Variants in ZGRF1 observed in about 807,000 individuals in gnomAD.
ZGRF1 encodes the protein zinc finger GRF-type containing 1.
A neutral mutation model predicts 203.5 loss-of-function variants in ZGRF1; 196 were observed. The ratio of observed to expected loss-of-function variants is 0.96; its 90% CI spans 0.86 to 1.08. The LOEUF is 1.08. Ranked by LOEUF, ZGRF1 falls within the 50% of genes least tolerant of loss-of-function variation. The probability of loss-of-function intolerance (pLI) is 0.00; values close to 1 mark genes in which losing one functional copy is unlikely to be tolerated. For synonymous variants in ZGRF1, 809 were observed against 841.3 expected, an observed-to-expected ratio of 0.96 and a Z score of 0.66; for missense variants, 2,326 against 2,416.3, an observed-to-expected ratio of 0.96 and a Z score of 0.78.
chr4:112,548,368 C>G lies in ZGRF1; in HGVS notation c.5359G>C (p.Gly1787Arg), dbSNP rs144546533. The part of the protein sequence containing the change: ...RTLLKQVRVV[G>R]VTCAACPFPC... ...AATGGGCAGGCTGCACAGGTAACTC[C>G]AACTACTCGAACCTTTATTACAACA... Residue 1787 changes from glycine (G) to arginine (R), a missense_variant, in exon 23 of 28, where the codon GGA becomes CGA. Transcript: ENST00000505019. 1.5e-5 allele frequency: 24 copies of G among 1,552,698 alleles called. No homozygotes were observed. In the African/African-American group the frequency reaches 3.1e-4, roughly 20 times the overall value.
intron 24 of ZGRF1, among the ~76,000 whole-genome samples, chr4:112,545,896 C>T (rs1349643452): frequency 1.3e-5 from 2 of 151,890 alleles, no homozygotes; most frequent in Non-Finnish European, 2.9e-5. Context: ...AAATGAGGCA[C>T]CTAGAATAGG....
Position 112,584,240 on chromosome 4 carries a change from T to G in ZGRF1, c.4102-66A>C, listed in dbSNP as rs981823677. The G allele has an allele frequency of 2.0e-5, 24 of 1,174,078 alleles. No homozygotes were observed. The African/African-American group carries it at 3.4e-4, about 17-fold the overall frequency. 72.7% of individuals were successfully genotyped at this position (1,174,078 alleles called of 1,614,324 possible). On this transcript the variant is annotated intron_variant, in intron 14 of 27. Coordinates refer to ENST00000505019, the MANE Select transcript of ZGRF1 (RefSeq NM_018392.5). ...TGCTTTTATTTTTCGATTATTTTTGTGTTTGTCAAGGCTTCTATGAAGACT... is the reference window on the plus strand; with the variant it reads ...TGCTTTTATTTTTCGATTATTTTTGGGTTTGTCAAGGCTTCTATGAAGACT...
At position 112,560,777 on chromosome 4, in the gene ZGRF1, A is replaced by G. The variant is rs1741810048; in HGVS notation, c.4916T>C (p.Val1639Ala). ...MMASHESIEE[V>A]KELQTHTFPI... ...GAAGGTATGAGTTTGCAGTTCCTTCACTTCTTCAATGCTTTCATGTGATGC... is the reference window on the plus strand; with the variant it reads ...GAAGGTATGAGTTTGCAGTTCCTTCGCTTCTTCAATGCTTTCATGTGATGC... The change falls in exon 19 of 28, where the codon GTG (valine) becomes GCG (alanine). Residue 1639 changes from valine to alanine, a missense_variant. Transcript: ENST00000505019. 1.2e-6 allele frequency: 2 copies of G among 1,601,306 alleles called. No homozygotes were observed. Among genetic ancestry groups the G allele is most frequent in the African/African-American group, 2.7e-5 (2 of 74,718 alleles).
At chr4:112,583,884 C>T in intron 15 of ZGRF1, 94 bp downstream of exon 15, 3 of 762,588 alleles carry the variant, frequency 3.9e-6, no homozygotes, top group South Asian at 2.8e-5. Context: ...AATAGTTTTC[C>T]TATCTTAATC....
chr4:112,546,075 A>ATAATAATAATAC (rs1252106939), intron 24 of ZGRF1, among the ~76,000 whole-genome samples: 1 of 150,118 alleles, frequency 6.7e-6, no homozygotes, highest in Non-Finnish European at 1.5e-5. Context: ...CTTTAAAGTA[A>ATAATAATAATAC]TAATAATAAT....
chr4:112,577,953 C>T (rs1330391148), intron 16 of ZGRF1, among the ~76,000 whole-genome samples: 1 of 122,774 alleles, frequency 8.1e-6, no homozygotes, highest in Non-Finnish European at 1.8e-5. Flanking sequence ...ACACAACTCT[C>T]CACCCCAAAT....
chr4:112,576,055 G>A (rs989933147), intron 16 of ZGRF1, among the ~76,000 whole-genome samples: 4 of 152,180 alleles, frequency 2.6e-5, no homozygotes, highest in African/African-American at 7.2e-5. Flanking sequence ...CAACTCACAC[G>A]GCTGGGTACT....
Position 112,617,555 on chromosome 4 carries a change from T to C in ZGRF1, c.2487A>G (p.Leu829=). The C allele has an allele frequency of 6.2e-7, 1 of 1,613,694 alleles. No homozygotes were observed. The highest frequency in any genetic ancestry group is 8.5e-7 in the Non-Finnish European group (1 of 1,179,836). ...LSGLVNTISI[L]KSLCEHSTAL... ...CAGTACTGTGTTCACATAGCGACTTTAAAATAGAAATGGTATTTACTAATC... is the reference window on the plus strand; with the variant it reads ...CAGTACTGTGTTCACATAGCGACTTCAAAATAGAAATGGTATTTACTAATC... Residue 829 remains leucine, a synonymous_variant, in exon 6 of 28, where the codon TTA becomes TTG. Transcript: ENST00000505019.
chr4:112,619,304 T>C lies in ZGRF1; in HGVS notation c.738A>G (p.Ser246=), dbSNP rs766079204. The C allele has an allele frequency of 6.2e-7, 1 of 1,613,306 alleles. No individual in the cohort carries two copies. Among genetic ancestry groups the C allele is most frequent in the African/African-American group, 1.3e-5 (1 of 74,922 alleles). Residue 246 remains serine (S), a synonymous_variant, in exon 6 of 28, where the codon TCA becomes TCG. Transcript: ENST00000505019. ...DSLASHYSGV[S]QNIRSKAQIL... ...TCTGTGCTTTGCTTCTGATGTTTTG[T>C]GAAACTCCTGAATAGTGAGATGCCA...
At chr4:112,609,480 AG>A (rs1224581661) in intron 7 of ZGRF1, 51 bp from the exon 8 acceptor site, 4 of 1,036,038 alleles carry the variant, frequency 3.9e-6, no homozygotes, top group Non-Finnish European at 5.8e-6. Flanking sequence ...ATAATAATTT[AG>A]AAAACAAAAA....
intron 20 of ZGRF1, 96 bp downstream of exon 20, chr4:112,558,054 C>G: frequency 1.0e-6 from 1 of 977,878 alleles, no homozygotes; most frequent in South Asian, 1.6e-5. Context: ...TTGGCATAAC[C>G]AGCAAGAGTA....
intron 10 of ZGRF1, among the ~76,000 whole-genome samples, chr4:112,591,203 C>A (rs1169180109): frequency 1.3e-5 from 2 of 152,086 alleles, no homozygotes; most frequent in Non-Finnish European, 2.9e-5. Context: ...CTTGTCACAA[C>A]CATATGAGGT....
At chr4:112,541,771 C>A (rs1737659808) in intron 24 of ZGRF1, among the ~76,000 whole-genome samples, 1 of 151,910 alleles carries the variant, frequency 6.6e-6, no homozygotes, top group Non-Finnish European at 1.5e-5. Flanking sequence ...AGGTGATTCA[C>A]CTGCCTTGGC....
chr4:112,585,841 G>A (rs953535816), intron 13 of ZGRF1, 116 bp from the exon 14 acceptor site: 9 of 556,096 alleles, frequency 1.6e-5, no homozygotes, highest in African/African-American at 2.0e-5. Context: ...CATATAATAG[G>A]AATATCCGTT....
intron 10 of ZGRF1, among the ~76,000 whole-genome samples, chr4:112,597,438 G>A (rs1749216988): frequency 6.7e-6 from 1 of 149,980 alleles, no homozygotes; most frequent in Non-Finnish European, 1.5e-5. Flanking sequence ...GCAGGAGGTT[G>A]GCTTGGGCCC....
chr4:112,632,494 T>C (rs981702959), intron 2 of ZGRF1, among the ~76,000 whole-genome samples: 3 of 152,192 alleles, frequency 2.0e-5, no homozygotes, highest in African/African-American at 7.2e-5. Flanking sequence ...TTCATGATGC[T>C]GTCTTTTCAT....
At chr4:112,588,124 T>A (rs563252286) in intron 11 of ZGRF1, among the ~76,000 whole-genome samples, 195 bp from the exon 12 acceptor site, 2 of 152,256 alleles carry the variant, frequency 1.3e-5, no homozygotes, top group East Asian at 3.9e-4. Context: ...AATTCATATA[T>A]ACTGAAACAT....
At chr4:112,592,661 C>CA (rs1490337681) in intron 10 of ZGRF1, among the ~76,000 whole-genome samples, 3 of 152,108 alleles carry the variant, frequency 2.0e-5, no homozygotes, top group African/African-American at 7.2e-5. Flanking sequence ...CAAATGACTC[C>CA]ACAAATATCT....
chr4:112,607,227 A>G (rs1243975324), intron 8 of ZGRF1, among the ~76,000 whole-genome samples: 1 of 152,104 alleles, frequency 6.6e-6, no homozygotes, highest in Non-Finnish European at 1.5e-5. Flanking sequence ...GGGATCAAGT[A>G]ATCCTCCTGC....
Sources: gnomAD v4.1 joint callset for allele counts (sites outside exome capture counted in the v4.1 genomes callset) on GRCh38, gnomAD v4.1.1 for gene constraint, MANE v1.5 for transcripts, NCBI Gene and HGNC (gene_info 2026-07-23, HGNC 2026-07-21) for gene names.